The following METTL15 variants were observed in gnomAD, a reference collection of about 807,000 sequenced individuals.
The protein encoded by METTL15 is methyltransferase 15, mitochondrial 12S rRNA N4-cytidine.
A neutral mutation model predicts 38.3 loss-of-function variants in METTL15; 34 were observed. The observed-to-expected ratio is 0.89, with a 90% confidence interval of 0.68 to 1.18. The LOEUF (loss-of-function observed/expected upper bound fraction) is 1.18, where lower values mean the gene tolerates loss of function less well. Ranked by LOEUF, METTL15 falls within the 50% of genes most tolerant of loss-of-function variation. METTL15 has a pLI of 0.00. For missense variants in METTL15, 438 were observed against 498.4 expected, an observed-to-expected ratio of 0.88 and a Z score of 1.15; for synonymous variants, 162 against 170.9, an observed-to-expected ratio of 0.95 and a Z score of 0.41.
rs543861931 is a variant in METTL15, at chr11:28,212,413, G to A, written c.407+1215G>A. On this transcript the variant is annotated intron_variant, in intron 4 of 6. Coordinates refer to ENST00000407364, the MANE Select transcript of METTL15 (RefSeq NM_001113528.2). ...CCTTCTTTAAGAAGATGTTTTATTA[G>A]AGCATTCATATTTGCGAAACGTTGT... 2.0e-5 allele frequency among the ~76,000 whole-genome samples: 3 copies of A among 152,158 alleles called. No individual in the cohort carries two copies. In the South Asian group the frequency reaches 6.2e-4, roughly 32 times the overall value.
At chr11:28,451,879 G>A (rs1332969388) in intron 6 of METTL15, among the ~76,000 whole-genome samples, 1 of 152,184 alleles carries the variant, frequency 6.6e-6, no homozygotes, top group African/African-American at 2.4e-5. Context: ...GGTAGCCCAG[G>A]AGAGCTCTTG....
chr11:28,378,108 T>C (rs1850339041), intron 5 of METTL15, among the ~76,000 whole-genome samples: 1 of 152,096 alleles, frequency 6.6e-6, no homozygotes, highest in Non-Finnish European at 1.5e-5. Context: ...GCTGTCTTTT[T>C]GTTTGTCTGT....
chr11:28,269,528 G>T (rs149023692), intron 4 of METTL15, among the ~76,000 whole-genome samples: 1 of 151,958 alleles, frequency 6.6e-6, no homozygotes, highest in Non-Finnish European at 1.5e-5. Flanking sequence ...TTATGGAAAC[G>T]AATTAACTGC....
At chr11:28,483,022 T>C (rs1252206185) in intron 6 of METTL15, among the ~76,000 whole-genome samples, 1 of 151,070 alleles carries the variant, frequency 6.6e-6, no homozygotes, top group Non-Finnish European at 1.5e-5. Context: ...CACATAACCA[T>C]ACTTCAGTGA....
intron 6 of METTL15, among the ~76,000 whole-genome samples, chr11:28,479,007 A>G (rs1461997215): frequency 1.3e-5 from 2 of 151,970 alleles, no homozygotes; most frequent in Non-Finnish European, 2.9e-5. Flanking sequence ...CTACTACTAT[A>G]AGAATGTAAA....
intron 4 of METTL15, among the ~76,000 whole-genome samples, chr11:28,253,988 G>C (rs934673795): frequency 7.9e-5 from 12 of 152,018 alleles, no homozygotes; most frequent in African/African-American, 2.9e-4. Context: ...TTTCTTTTGG[G>C]TATATACCCA....
intron 6 of METTL15, among the ~76,000 whole-genome samples, chr11:28,430,324 T>G (rs1298988082): frequency 8.8e-5 from 7 of 79,884 alleles, no homozygotes; most frequent in African/African-American, 1.3e-4. Context: ...GGGAGGGAGG[T>G]GAGGGGGTCA....
intron 6 of METTL15, among the ~76,000 whole-genome samples, chr11:28,317,420 A>C (rs1359046562): frequency 6.6e-6 from 1 of 152,108 alleles, no homozygotes; most frequent in East Asian, 1.9e-4. Context: ...ATTAAATGTG[A>C]TGGAAATTCA....
intron 4 of METTL15, among the ~76,000 whole-genome samples, chr11:28,264,316 T>C (rs751064932): frequency 2.6e-5 from 4 of 152,306 alleles, no homozygotes; most frequent in Admixed American, 6.5e-5. Context: ...TCCTTATTGA[T>C]ATTTTATTAT....
intron 3 of METTL15, among the ~76,000 whole-genome samples, chr11:28,343,215 G>GA (rs35539603): frequency 0.038 from 4,929 of 129,622 alleles, 255 homozygotes; most frequent in African/African-American, 0.12. Flanking sequence ...TCAGGGAGAA[G>GA]AAAAAAAAAA....
chr11:28,303,280 T>C (rs1313570385), intron 6 of METTL15, among the ~76,000 whole-genome samples: 3 of 152,192 alleles, frequency 2.0e-5, no homozygotes, highest in Non-Finnish European at 4.4e-5. Flanking sequence ...CTTTCTCATC[T>C]TAAACTGGAG....
intron 6 of METTL15, among the ~76,000 whole-genome samples, chr11:28,466,864 G>A (rs1590384488): frequency 6.6e-6 from 1 of 152,268 alleles, no homozygotes; most frequent in East Asian, 1.9e-4. Context: ...TTTTGTCTGG[G>A]CAACACATGT....
intron 4 of METTL15, among the ~76,000 whole-genome samples, chr11:28,257,412 T>C (rs1409442055): frequency 6.6e-6 from 1 of 152,218 alleles, no homozygotes; most frequent in African/African-American, 2.4e-5. Context: ...TTTCTCGTAC[T>C]TGAAAATTGA....
At chr11:28,120,327 C>G (rs532581810) in intron 3 of METTL15, among the ~76,000 whole-genome samples, 3 of 148,560 alleles carry the variant, frequency 2.0e-5, no homozygotes, top group Non-Finnish European at 4.5e-5. Context: ...TGTTTTCCCT[C>G]TGTTATTTTT....
chr11:28,437,314 C>G (rs1850991968), intron 6 of METTL15, among the ~76,000 whole-genome samples: 1 of 152,176 alleles, frequency 6.6e-6, no homozygotes, highest in African/African-American at 2.4e-5. Context: ...TTAGTTCTTT[C>G]CCTCTAGAGA....
At chr11:28,325,174 A>G (rs1202434006) in intron 6 of METTL15, among the ~76,000 whole-genome samples, 2 of 152,176 alleles carry the variant, frequency 1.3e-5, no homozygotes, top group Non-Finnish European at 1.5e-5. Flanking sequence ...TTTACAGACA[A>G]TATTGGCATA....
At chr11:28,412,045 T>C (rs1004032745) in intron 5 of METTL15, among the ~76,000 whole-genome samples, 7 of 151,936 alleles carry the variant, frequency 4.6e-5, no homozygotes, top group African/African-American at 1.7e-4. Flanking sequence ...CTATGAGATA[T>C]CACCTCACAC....
intron 4 of METTL15, among the ~76,000 whole-genome samples, chr11:28,288,014 T>C (rs532440067): frequency 3.9e-5 from 6 of 152,124 alleles, no homozygotes; most frequent in African/African-American, 1.4e-4. Context: ...ATGTGATTAA[T>C]AAACTTTTGA....
chr11:28,289,190 T>C (rs142430621), intron 4 of METTL15, among the ~76,000 whole-genome samples: 108 of 152,290 alleles, frequency 7.1e-4, no homozygotes, highest in African/African-American at 2.4e-3. Flanking sequence ...GTAAACTGTT[T>C]ATACATCTTT....
Sources: allele counts gnomAD v4.1 joint callset (sites outside exome capture counted in the v4.1 genomes callset), GRCh38; gene constraint gnomAD v4.1.1; transcripts MANE v1.5; gene names NCBI Gene and HGNC (gene_info 2026-07-23, HGNC 2026-07-21).